TRERF1: variants seen among roughly 807,000 people sequenced by gnomAD.
The protein encoded by TRERF1 is transcriptional-regulating factor 1.
In TRERF1, 27 loss-of-function variants were observed where a neutral mutation model predicts 122.9. That is an observed-to-expected ratio of 0.22 (90% CI 0.16 to 0.30). The LOEUF is 0.30. TRERF1 is among the 10% of genes least tolerant of loss of function. The pLI, the probability that TRERF1 is intolerant of heterozygous loss-of-function variation, is 1.00. For synonymous variants in TRERF1, 636 were observed against 641.7 expected, an observed-to-expected ratio of 0.99 and a Z score of 0.13; for missense variants, 1,248 against 1,560.3, an observed-to-expected ratio of 0.80 and a Z score of 3.37.
At chr6:42,245,899 C>T (rs146531789) in intron 14 of TRERF1, among the ~76,000 whole-genome samples, 7 of 152,108 alleles carry the variant, frequency 4.6e-5, no homozygotes, top group East Asian at 1.9e-4. Context: ...CTTGAGGTTA[C>T]GAGTTCAAGA....
At chr6:42,256,269 T>C (rs1242634381) in intron 12 of TRERF1, among the ~76,000 whole-genome samples, 1 of 151,910 alleles carries the variant, frequency 6.6e-6, no homozygotes, top group African/African-American at 2.4e-5. Context: ...AACCAGTTGG[T>C]GAACAGTAAA....
At chr6:42,262,766 GT>G (rs1778450533) in intron 8 of TRERF1, among the ~76,000 whole-genome samples, 1 of 152,158 alleles carries the variant, frequency 6.6e-6, no homozygotes, top group South Asian at 2.1e-4. Context: ...AACGAATTAG[GT>G]TCTCCAGGGT....
chr6:42,346,308 G>A (rs913513286), intron 3 of TRERF1, among the ~76,000 whole-genome samples: 7 of 152,192 alleles, frequency 4.6e-5, no homozygotes, highest in African/African-American at 1.4e-4. Flanking sequence ...CCAGTTAATC[G>A]GTTGCCCACT....
rs752738825 is a variant in TRERF1 at position 42,257,111 on chromosome 6, G to T, written c.2337-9C>A. ...AGCCAATGTTGATGCGTCTTTAAATGACAAGAAGAAAAACAACAATGTGGT... is the reference window on the plus strand; with the variant it reads ...AGCCAATGTTGATGCGTCTTTAAATTACAAGAAGAAAAACAACAATGTGGT... On this transcript the variant is annotated splice_polypyrimidine_tract_variant and intron_variant, in intron 10 of 17. Transcript: ENST00000372922. 10 of 1,613,490 alleles carry T rather than the reference G, an allele frequency of 6.2e-6. No homozygotes were observed. In the South Asian group the frequency reaches 9.9e-5, roughly 16 times the overall value.
At chr6:42,233,577 G>A (rs562655516) in intron 16 of TRERF1, among the ~76,000 whole-genome samples, 25 of 152,078 alleles carry the variant, frequency 1.6e-4, no homozygotes, top group Admixed American at 7.9e-4. Context: ...GAGCCACCAC[G>A]CCTGGCCTCA....
At chr6:42,395,654 T>C (rs143095480) in intron 2 of TRERF1, among the ~76,000 whole-genome samples, 3 of 152,138 alleles carry the variant, frequency 2.0e-5, no homozygotes, top group African/African-American at 7.2e-5. Context: ...AAACTGAGGC[T>C]TGAGGGGCCT....
At chr6:42,310,049 C>T (rs1344056291) in intron 3 of TRERF1, among the ~76,000 whole-genome samples, 1 of 151,986 alleles carries the variant, frequency 6.6e-6, no homozygotes. Context: ...AAGCATAAGC[C>T]CCCGCACCCA....
intron 2 of TRERF1, among the ~76,000 whole-genome samples, chr6:42,367,774 C>T (rs957566302): frequency 6.6e-6 from 1 of 152,134 alleles, no homozygotes; most frequent in African/African-American, 2.4e-5. Flanking sequence ...TGGCAGGGGC[C>T]TGGTGACTGA....
At chr6:42,432,845 A>G (rs1784694759) in intron 2 of TRERF1, among the ~76,000 whole-genome samples, 1 of 91,774 alleles carries the variant, frequency 1.1e-5, no homozygotes, top group Non-Finnish European at 2.3e-5. Context: ...TCTGTCTCAA[A>G]AAAAAAAAAA....
At chr6:42,396,015 T>A (rs183915767) in intron 2 of TRERF1, among the ~76,000 whole-genome samples, 81 of 152,244 alleles carry the variant, frequency 5.3e-4, no homozygotes, top group African/African-American at 1.9e-3. Flanking sequence ...TGCACACGTG[T>A]ATGTGTGCAC....
At chr6:42,349,518 C>T (rs190618634) in intron 3 of TRERF1, among the ~76,000 whole-genome samples, 4 of 152,164 alleles carry the variant, frequency 2.6e-5, no homozygotes, top group South Asian at 4.2e-4. Flanking sequence ...ACCTGTGGCT[C>T]CATAAGCTAC....
chr6:42,258,116 G>A lies in TRERF1; in HGVS notation c.2336+19C>T. On this transcript the variant is annotated intron_variant, in intron 10 of 17. Transcript: ENST00000372922. ...GAAGCTGAGGCTTCTGTTCTAAAGAGTAATTGACTTTTCCTTACGGTTCAA... is the reference window on the plus strand; with the variant it reads ...GAAGCTGAGGCTTCTGTTCTAAAGAATAATTGACTTTTCCTTACGGTTCAA... 1 of 1,609,600 alleles carries A rather than the reference G, an allele frequency of 6.2e-7. No individual in the cohort carries two copies. The highest frequency in any genetic ancestry group is 8.5e-7 in the Non-Finnish European group (1 of 1,176,020).
At chr6:42,401,459 G>A (rs1176882665) in intron 2 of TRERF1, among the ~76,000 whole-genome samples, 1 of 152,144 alleles carries the variant, frequency 6.6e-6, no homozygotes, top group African/African-American at 2.4e-5. Context: ...CAGGAAAATT[G>A]TTATTATCCC....
chr6:42,311,845 G>C (rs181182010), intron 3 of TRERF1, among the ~76,000 whole-genome samples: 1 of 151,534 alleles, frequency 6.6e-6, no homozygotes, highest in Non-Finnish European at 1.5e-5. Context: ...CACTTTTCAC[G>C]TGGAGAACAA....
At chr6:42,427,763 T>G (rs1000160376) in intron 2 of TRERF1, among the ~76,000 whole-genome samples, 1 of 152,018 alleles carries the variant, frequency 6.6e-6, no homozygotes, top group African/African-American at 2.4e-5. Context: ...TTGCCCAGGC[T>G]GGTCTTGAAC....
chr6:42,345,783 C>A (rs539987432), intron 3 of TRERF1, among the ~76,000 whole-genome samples: 12 of 152,310 alleles, frequency 7.9e-5, no homozygotes, highest in African/African-American at 2.9e-4. Context: ...TGGCTTGGGG[C>A]ACCGTCTTGA....
At chr6:42,328,812 C>T (rs1764748437) in intron 3 of TRERF1, among the ~76,000 whole-genome samples, 1 of 152,106 alleles carries the variant, frequency 6.6e-6, no homozygotes, top group Admixed American at 6.5e-5. Context: ...CCATGGGCAA[C>T]CGGCTGGGGA....
In TRERF1 at chr6:42,232,716, G is replaced by A; in HGVS notation, c.3243C>T (p.Asp1081=). The A allele has an allele frequency of 3.1e-6, 5 of 1,607,796 alleles. No individual in the cohort carries two copies. The highest frequency in any genetic ancestry group is 4.3e-6 in the Non-Finnish European group (5 of 1,174,836). ...CCTTGCAGGGGAAGATGGTGGTGGG[G>A]TCTGTCTCGCCGCTGGTGGTGCTGT... is the stretch of plus-strand genomic sequence containing the variant. Residue 1081 remains aspartate (D), a synonymous_variant, in exon 17 of 18, where the codon GAC becomes GAT. Transcript: ENST00000372922. The surrounding 1 kb of genome is among the most constrained non-coding windows in gnomAD (Gnocchi z 4.5).
intron 2 of TRERF1, among the ~76,000 whole-genome samples, chr6:42,383,423 AC>A (rs1014008891): frequency 6.7e-6 from 1 of 150,082 alleles, no homozygotes; most frequent in Admixed American, 6.7e-5. Context: ...ACCCCCTAAC[AC>A]CCCCTTCCTC....
Sources: allele counts gnomAD v4.1 joint callset (sites outside exome capture counted in the v4.1 genomes callset), GRCh38; gene constraint gnomAD v4.1.1; non-coding constraint Gnocchi (gnomAD v3.1); transcripts MANE v1.5; gene names NCBI Gene and HGNC (gene_info 2026-07-23, HGNC 2026-07-21).